The following UNC5C variants were observed in gnomAD, a reference collection of about 807,000 sequenced individuals.
UNC5C encodes unc-5 netrin receptor C, also known as netrin receptor UNC5C.
In UNC5C, 47 loss-of-function variants were observed where a neutral mutation model predicts 99.8. The observed-to-expected ratio is 0.47, with a 90% CI of 0.37 to 0.60. The LOEUF (loss-of-function observed/expected upper bound fraction) is 0.60, where lower values mean the gene tolerates loss of function less well. Ranked by LOEUF, UNC5C falls within the 20% of genes least tolerant of loss-of-function variation. UNC5C has a pLI of 0.00. For missense variants in UNC5C, 1,062 were observed against 1,165.9 expected (o/e 0.91, Z 1.30); for synonymous variants, 487 against 452.2 (o/e 1.08, Z -0.98).
At chr4:95,300,074 T>C (rs1741813102) in intron 3 of UNC5C, among the ~76,000 whole-genome samples, 1 of 152,326 alleles carries the variant, frequency 6.6e-6, no homozygotes, top group Non-Finnish European at 1.5e-5. Context: ...CTAAGTGATA[T>C]TGGCATCCAA....
At chr4:95,287,659 C>T (rs1741283467) in intron 3 of UNC5C, among the ~76,000 whole-genome samples, 1 of 152,190 alleles carries the variant, frequency 6.6e-6, no homozygotes, top group South Asian at 2.1e-4. Context: ...CAACACAGGA[C>T]TCTGGGAGGC....
At chr4:95,247,050 T>TA (rs58266683) in intron 5 of UNC5C, among the ~76,000 whole-genome samples, 24 of 147,442 alleles carry the variant, frequency 1.6e-4, no homozygotes, top group African/African-American at 4.1e-4. Flanking sequence ...AATAAAAAAA[T>TA]AAAAAAAAAA....
chr4:95,325,214 T>C (rs951549030), intron 2 of UNC5C, among the ~76,000 whole-genome samples: 2 of 152,150 alleles, frequency 1.3e-5, no homozygotes, highest in African/African-American at 4.8e-5. Context: ...CTTTATTTCA[T>C]GGACAAAGGG....
chr4:95,524,643 C>T, intron 1 of UNC5C, among the ~76,000 whole-genome samples: 1 of 152,198 alleles, frequency 6.6e-6, no homozygotes, highest in South Asian at 2.1e-4. Flanking sequence ...CACTTTCCAG[C>T]AGAATCTGTT....
At chr4:95,360,529 G>A (rs1744357793) in intron 1 of UNC5C, among the ~76,000 whole-genome samples, 2 of 152,178 alleles carry the variant, frequency 1.3e-5, no homozygotes, top group African/African-American at 4.8e-5. Flanking sequence ...TCCAAGTTAA[G>A]TAGTGCAATA....
At chr4:95,359,007 G>A (rs2626075) in intron 1 of UNC5C, among the ~76,000 whole-genome samples, 77,716 of 152,010 alleles carry the variant, frequency 0.51, 20,763 homozygotes, top group African/African-American at 0.64. Flanking sequence ...AAGATTTCAT[G>A]TTGTATTTGG....
intron 12 of UNC5C, among the ~76,000 whole-genome samples, chr4:95,201,761 G>A (rs986388941): frequency 1.3e-5 from 2 of 151,858 alleles, no homozygotes; most frequent in Non-Finnish European, 1.5e-5. Flanking sequence ...CTGCCATCAT[G>A]CCCGGCTAAT....
rs935612399 is a variant in UNC5C at position 95,242,567 on chromosome 4, T to C, written c.970A>G (p.Lys324Glu). The change falls in exon 7 of 16, where the codon AAG becomes GAG. Residue 324 changes from lysine (K) to glutamate (E), a missense_variant. Lys to Glu is a moderately conservative substitution (Grantham distance 56). This residue lies in a region of UNC5C where 810 missense variants were observed against 854.5 expected (regional missense o/e 0.95). Coordinates refer to ENST00000453304, the MANE Select transcript of UNC5C (RefSeq NM_003728.4). ...PVDGRWTPWS[K>E]WSTCGTECTH... ...CACTCAGTTCCACAAGTAGACCACT[T>C]GCTCCATGGCGTCCACCTGCCATCC... 2.5e-6 allele frequency: 4 copies of C among 1,597,694 alleles called. No individual in the cohort carries two copies. In the African/African-American group the frequency reaches 4.0e-5, roughly 16 times the overall value.
In UNC5C at chr4:95,170,277, A is replaced by T. The variant is rs745871673; in HGVS notation, c.2507T>A (p.Val836Asp). 17 of 1,614,032 alleles carry T rather than the reference A, an allele frequency of 1.1e-5. No homozygotes were observed. The highest frequency in any genetic ancestry group is 1.4e-5 in the Non-Finnish European group (17 of 1,180,042). Residue 836 changes from valine to aspartate, a missense_variant, in exon 15 of 16, where the codon GTC (valine) becomes GAC (aspartate). Physicochemically the swap from Val to Asp is radical, Grantham distance 152. This residue lies in a region of UNC5C where 810 missense variants were observed against 854.5 expected (regional missense o/e 0.95). Transcript: ENST00000453304. ...GATGCTGAAAGCACTGGGCCCCGTG[A>T]CCGTGGTGATGGTGTTCGCAGGATC... ...LLDPANTITTVTGPSAFSIPL... is the reference protein window; with the variant it reads ...LLDPANTITTDTGPSAFSIPL...
chr4:95,474,325 C>T (rs1041661738), intron 1 of UNC5C, among the ~76,000 whole-genome samples: 1 of 152,088 alleles, frequency 6.6e-6, no homozygotes, highest in Non-Finnish European at 1.5e-5. Flanking sequence ...AAGTCTCACT[C>T]TGTCACACAG....
At chr4:95,269,453 T>C (rs1034984988) in intron 4 of UNC5C, among the ~76,000 whole-genome samples, 3 of 151,810 alleles carry the variant, frequency 2.0e-5, no homozygotes, top group Admixed American at 6.6e-5. Context: ...GGCTAATTTT[T>C]ATTTTTTTAT....
intron 10 of UNC5C, among the ~76,000 whole-genome samples, chr4:95,208,545 G>A (rs113956531): frequency 0.013 from 2,024 of 152,058 alleles, 55 homozygotes; most frequent in African/African-American, 0.043. Flanking sequence ...TATCTCTTCC[G>A]GTCTTTTCTC....
At chr4:95,185,287 T>C in intron 12 of UNC5C, 91 bp from the exon 13 acceptor site, 1 of 1,462,908 alleles carries the variant, frequency 6.8e-7, no homozygotes, top group South Asian at 1.4e-5. Context: ...TACTGCCTCC[T>C]GAATGGCAGG....
intron 3 of UNC5C, among the ~76,000 whole-genome samples, chr4:95,282,642 G>C (rs896450335): frequency 5.9e-5 from 9 of 152,132 alleles, no homozygotes; most frequent in Admixed American, 1.3e-4. Flanking sequence ...TGGACAAAAA[G>C]AATCTGACCT....
rs559407052 is a variant in UNC5C at position 95,541,750 on chromosome 4, T to A, written c.124+6984A>T. ...TTACAACTGGACTGTAGATGCATTTTAATAAACAAGCACTATTCTGTTTTT... is the reference window on the plus strand; with the variant it reads ...TTACAACTGGACTGTAGATGCATTTAAATAAACAAGCACTATTCTGTTTTT... On this transcript the variant is annotated intron_variant, in intron 1 of 15. Coordinates refer to ENST00000453304, the MANE Select transcript of UNC5C (RefSeq NM_003728.4). Among the ~76,000 whole-genome samples the A allele has an allele frequency of 4.6e-4, 70 of 152,256 alleles. 1 individual carries two copies. The highest frequency in any genetic ancestry group is 7.7e-4 in the East Asian group (4 of 5,188).
intron 1 of UNC5C, among the ~76,000 whole-genome samples, chr4:95,471,029 G>A (rs537870584): frequency 7.8e-4 from 118 of 150,420 alleles, no homozygotes; most frequent in Admixed American, 6.6e-4. Context: ...CACTATCCAA[G>A]TAAAATGAGC....
intron 3 of UNC5C, among the ~76,000 whole-genome samples, chr4:95,300,822 G>C (rs1452641287): frequency 6.6e-6 from 1 of 152,134 alleles, no homozygotes; most frequent in Non-Finnish European, 1.5e-5. Flanking sequence ...TTTGCGGGGA[G>C]GTGGGGATGA....
intron 11 of UNC5C, among the ~76,000 whole-genome samples, chr4:95,206,365 T>G (rs1214408444): frequency 1.3e-5 from 2 of 151,982 alleles, no homozygotes; most frequent in East Asian, 3.9e-4. Flanking sequence ...ATATAATCTA[T>G]ATTCCAAAAG....
chr4:95,250,385 A>T, intron 5 of UNC5C, 102 bp downstream of exon 5: 1 of 1,283,836 alleles, frequency 7.8e-7, no homozygotes, highest in East Asian at 2.3e-5. Context: ...ACCCTGTCTC[A>T]AATAATATGA....
Sources: gnomAD v4.1 joint callset for allele counts (sites outside exome capture counted in the v4.1 genomes callset) on GRCh38, gnomAD v4.1.1 for gene constraint, gnomAD v4.1.1 regional missense constraint, MANE v1.5 for transcripts, NCBI Gene and HGNC (gene_info 2026-07-23, HGNC 2026-07-21) for gene names.